SAMMSON: variants seen among roughly 807,000 people sequenced by gnomAD.
SAMMSON encodes the protein survival associated mitochondrial melanoma specific oncogenic non-coding RNA.
rs537951577 is a variant in SAMMSON, at chr3:70,340,540, A to G, written n.740-13635A>G. Among the ~76,000 whole-genome samples the G allele has an allele frequency of 2.6e-5, 4 of 152,220 alleles. No individual in the cohort carries two copies. The South Asian group carries it at 8.3e-4, about 32-fold the overall frequency. ...TACCTAAATTGTTGGGACAAACAAT[A>G]TGATTTATGCTGTATGCCTGCCTTC... On this transcript the variant is annotated intron_variant and non_coding_transcript_variant, in intron 7 of 9. Coordinates refer to ENST00000642114, the Ensembl canonical transcript of SAMMSON.
intron 9 of SAMMSON, among the ~76,000 whole-genome samples, chr3:70,374,627 C>A (rs931630437): frequency 2.6e-5 from 4 of 152,050 alleles, no homozygotes; most frequent in African/African-American, 9.7e-5. Flanking sequence ...CATGTGGCCT[C>A]CACTGACACC....
At chr3:70,170,369 A>G (rs1205134003) in intron 4 of SAMMSON, among the ~76,000 whole-genome samples, 3 of 151,910 alleles carry the variant, frequency 2.0e-5, no homozygotes, top group African/African-American at 7.2e-5. Flanking sequence ...GATTTGTGAT[A>G]TAATATAGAG....
intron 7 of SAMMSON, among the ~76,000 whole-genome samples, chr3:70,349,443 G>A (rs984434758): frequency 5.9e-5 from 9 of 151,960 alleles, no homozygotes; most frequent in South Asian, 2.1e-4. Flanking sequence ...CATGTAAGGC[G>A]GCCAGCAACC....
intron 3 of SAMMSON, among the ~76,000 whole-genome samples, chr3:70,053,531 T>A (rs1576109759): frequency 6.6e-6 from 1 of 151,974 alleles, no homozygotes; most frequent in Non-Finnish European, 1.5e-5. Flanking sequence ...CCACATAGAG[T>A]CCCAAGCCAT....
At chr3:70,330,069 A>T (rs1702609988) in intron 7 of SAMMSON, among the ~76,000 whole-genome samples, 1 of 151,920 alleles carries the variant, frequency 6.6e-6, no homozygotes. Context: ...AAAGACTATT[A>T]ACTCTGTTTC....
intron 4 of SAMMSON, among the ~76,000 whole-genome samples, chr3:70,137,131 C>T (rs976869000): frequency 3.3e-5 from 5 of 152,138 alleles, no homozygotes; most frequent in Non-Finnish European, 7.4e-5. Context: ...GGTGTGTATC[C>T]TTCTATAGTC....
intron 4 of SAMMSON, among the ~76,000 whole-genome samples, chr3:70,086,889 A>T (rs1484471048): frequency 6.6e-6 from 1 of 152,172 alleles, no homozygotes; most frequent in East Asian, 1.9e-4. Flanking sequence ...CAATCCCAGG[A>T]GGCATTATTA....
At chr3:70,225,478 C>A (rs1036048159) in intron 4 of SAMMSON, among the ~76,000 whole-genome samples, 30 of 152,136 alleles carry the variant, frequency 2.0e-4, no homozygotes, top group African/African-American at 7.2e-4. Flanking sequence ...ATATCTACCT[C>A]CCACTCTTTT....
chr3:70,416,277 C>T (rs935263799), intron 2 of SAMMSON, among the ~76,000 whole-genome samples: 6 of 152,030 alleles, frequency 3.9e-5, no homozygotes, highest in African/African-American at 1.2e-4. Context: ...TAATAATTTC[C>T]CTTCATGTCC....
At chr3:70,275,604 C>G (rs1471253356) in intron 6 of SAMMSON, among the ~76,000 whole-genome samples, 1 of 152,180 alleles carries the variant, frequency 6.6e-6, no homozygotes, top group Non-Finnish European at 1.5e-5. Flanking sequence ...CCTGGCCTTG[C>G]CACTCATTAG....
intron 9 of SAMMSON, among the ~76,000 whole-genome samples, chr3:70,368,745 A>C (rs1219820986): frequency 6.6e-6 from 1 of 151,610 alleles, no homozygotes; most frequent in African/African-American, 2.4e-5. Context: ...TCCTTCACCA[A>C]CACCACACTG....
chr3:70,141,432 G>C (rs1420349135), intron 4 of SAMMSON, among the ~76,000 whole-genome samples: 2 of 152,218 alleles, frequency 1.3e-5, no homozygotes, highest in South Asian at 2.1e-4. Flanking sequence ...TGTTCTATTT[G>C]GGCCCTCAAC....
chr3:70,241,006 T>A (rs980986132), intron 4 of SAMMSON, among the ~76,000 whole-genome samples: 4 of 152,166 alleles, frequency 2.6e-5, no homozygotes, highest in African/African-American at 9.7e-5. Flanking sequence ...ATATTCATTT[T>A]TTCGTGTCCA....
chr3:70,117,190 C>T (rs1045357712), intron 4 of SAMMSON, among the ~76,000 whole-genome samples: 2 of 152,156 alleles, frequency 1.3e-5, no homozygotes, highest in Non-Finnish European at 2.9e-5. Flanking sequence ...TTTGCTCTTT[C>T]TCTGCCCTGA....
chr3:70,172,760 C>T (rs2106700514), intron 4 of SAMMSON: 1 of 152,002 alleles, frequency 6.6e-6, no homozygotes, highest in Non-Finnish European at 1.5e-5. Context: ...CAATCACAAC[C>T]AAAAGACAGC....
chr3:70,303,605 C>G lies in SAMMSON; in HGVS notation n.739+12362C>G, dbSNP rs370310628. ...AGCCAGAATCAGTATATGTTATTTT[C>G]CTCTCAAAAACCGATAAAGCTCCCT... On this transcript the variant is annotated intron_variant and non_coding_transcript_variant, in intron 7 of 9. Coordinates refer to ENST00000642114, the Ensembl canonical transcript of SAMMSON. Among the ~76,000 whole-genome samples, 16 of 152,232 alleles carry G rather than the reference C, an allele frequency of 1.1e-4. No homozygotes were observed. In the East Asian group the frequency reaches 2.5e-3, roughly 24 times the overall value.
chr3:70,335,715 A>G (rs1385985435), intron 7 of SAMMSON, among the ~76,000 whole-genome samples: 2 of 152,006 alleles, frequency 1.3e-5, no homozygotes, highest in African/African-American at 4.8e-5. Context: ...TATTGAAGTT[A>G]AATTCAATTT....
At chr3:70,097,355 G>A (rs929733044) in intron 4 of SAMMSON, among the ~76,000 whole-genome samples, 5 of 152,176 alleles carry the variant, frequency 3.3e-5, no homozygotes, top group Non-Finnish European at 7.4e-5. Context: ...CCAAGTATTG[G>A]TTCTTTCTCC....
intron 1 of SAMMSON, among the ~76,000 whole-genome samples, chr3:70,003,136 T>C (rs1217154521): frequency 1.3e-5 from 2 of 152,108 alleles, no homozygotes; most frequent in Non-Finnish European, 2.9e-5. Flanking sequence ...TGACAGAAAA[T>C]ATATTTTGTT....
Sources: gnomAD v4.1 joint callset for allele counts (sites outside exome capture counted in the v4.1 genomes callset) on GRCh38, gnomAD v4.1.1 for gene constraint, MANE v1.5 for transcripts, NCBI Gene and HGNC (gene_info 2026-07-23, HGNC 2026-07-21) for gene names.